SNW1: variants seen among roughly 807,000 people sequenced by gnomAD.
SNW1 encodes the protein SNW domain-containing protein 1.
In SNW1, 9 loss-of-function variants were observed where a neutral mutation model predicts 75.6. The observed-to-expected ratio is 0.12, with a 90% confidence interval of 0.07 to 0.21. The LOEUF (loss-of-function observed/expected upper bound fraction) is 0.21, where lower values mean the gene tolerates loss of function less well. SNW1 is among the 10% of genes least tolerant of loss of function. SNW1 has a pLI of 1.00. For synonymous variants in SNW1, 200 were observed against 219.1 expected (o/e 0.91, Z 0.77); for missense variants, 409 against 670.9 (o/e 0.61, Z 4.31).
At chr14:77,722,188 C>A (rs1291968432) in intron 11 of SNW1, among the ~76,000 whole-genome samples, 1 of 152,164 alleles carries the variant, frequency 6.6e-6, no homozygotes, top group Non-Finnish European at 1.5e-5. Flanking sequence ...AGTATTGCAG[C>A]GTTCCCTCTA....
At chr14:77,754,044 T>G (rs2080826818) in intron 2 of SNW1, among the ~76,000 whole-genome samples, 3 of 151,972 alleles carry the variant, frequency 2.0e-5, no homozygotes, top group African/African-American at 7.2e-5. Flanking sequence ...CTTTTTATTT[T>G]TATTTTTTAT....
chr14:77,742,035 A>ATT (rs35732517), intron 3 of SNW1, among the ~76,000 whole-genome samples: 12 of 143,750 alleles, frequency 8.3e-5, no homozygotes, highest in Non-Finnish European at 1.1e-4. Flanking sequence ...AAAACCCCCC[A>ATT]TTTTTTTTTT....
chr14:77,747,515 G>A (rs1264207347), intron 3 of SNW1, among the ~76,000 whole-genome samples: 1 of 150,006 alleles, frequency 6.7e-6, no homozygotes, highest in Non-Finnish European at 1.5e-5. Context: ...TGTGGTGAGC[G>A]CCTCTGCCCC....
At chr14:77,722,049 C>CT (rs755015958) in intron 11 of SNW1, among the ~76,000 whole-genome samples, 2 of 152,206 alleles carry the variant, frequency 1.3e-5, no homozygotes, top group Non-Finnish European at 2.9e-5. Context: ...TGCCCGGCCT[C>CT]TTTTTTGTGT....
intron 6 of SNW1, 140 bp from the exon 7 acceptor site, chr14:77,736,146 C>T: frequency 1.7e-6 from 1 of 577,206 alleles, no homozygotes; most frequent in Non-Finnish European, 3.1e-6. Context: ...ACATTTACCA[C>T]TCCACTTTGA....
intron 10 of SNW1, among the ~76,000 whole-genome samples, chr14:77,728,088 T>G (rs1222106232): frequency 2.1e-5 from 3 of 142,888 alleles, no homozygotes; most frequent in Non-Finnish European, 4.6e-5. Flanking sequence ...ATCTAGGTGG[T>G]AGGAGATACG....
intron 12 of SNW1, 75 bp from the exon 13 acceptor site, chr14:77,718,605 G>A (rs1017686236): frequency 4.2e-5 from 41 of 984,652 alleles, no homozygotes; most frequent in Non-Finnish European, 5.9e-5. Flanking sequence ...CATGTTTACA[G>A]TAAACCCTTG....
At chr14:77,727,264 G>C (rs950080966) in intron 10 of SNW1, among the ~76,000 whole-genome samples, 1 of 152,126 alleles carries the variant, frequency 6.6e-6, no homozygotes, top group African/African-American at 2.4e-5. Flanking sequence ...ATGTTGGCCA[G>C]GCTGGTCTTG....
Position 77,717,679 on chromosome 14 carries a change from C to A in SNW1, c.*409G>T. On this transcript the variant is annotated 3_prime_UTR_variant, in exon 14 of 14. Transcript: ENST00000261531. Reference sequence around the variant, plus strand: ...TTGCCCACTCCAAATTAAAACAGAGCACAATAGGGGCAAAATTTATTTGGC... The same window carrying A: ...TTGCCCACTCCAAATTAAAACAGAGAACAATAGGGGCAAAATTTATTTGGC... 2.1e-6 allele frequency: 2 copies of A among 968,088 alleles called. No homozygotes were observed. Among genetic ancestry groups the A allele is most frequent in the South Asian group, 1.6e-5 (1 of 64,166 alleles). The allele number at this position is 968,088 out of a possible 1,614,324, so 60.0% of individuals were successfully genotyped here.
rs2080693919 is a variant in SNW1, at chr14:77,738,769, G to T, written c.533+9C>A. 5.6e-6 allele frequency: 9 copies of T among 1,606,142 alleles called. 1 individual carries two copies. The highest frequency in any genetic ancestry group is 1.7e-5 in the Admixed American group (1 of 59,934). On this transcript the variant is annotated intron_variant, in intron 5 of 13. Transcript: ENST00000261531. Reference sequence around the variant, plus strand: ...GAATGAAACTAAGTCTTCTAGGCATGATTCATACCGGATATACTGAGCAGG... The same window carrying T: ...GAATGAAACTAAGTCTTCTAGGCATTATTCATACCGGATATACTGAGCAGG...
At chr14:77,754,157 G>A (rs550644019) in intron 2 of SNW1, among the ~76,000 whole-genome samples, 115 of 151,398 alleles carry the variant, frequency 7.6e-4, no homozygotes, top group African/African-American at 2.7e-3. Context: ...CAATTCTCCC[G>A]CCTCAGCCTC....
In SNW1 at chr14:77,749,903, G is replaced by C. The variant is rs139037048; in HGVS notation, c.330+1416C>G. Among the ~76,000 whole-genome samples, 448 of 151,940 alleles carry C rather than the reference G, an allele frequency of 2.9e-3. 3 individuals carry two copies. Among genetic ancestry groups the C allele is most frequent in the African/African-American group, 0.01 (427 of 41,476 alleles). On this transcript the variant is annotated intron_variant, in intron 3 of 13. Coordinates refer to ENST00000261531, the MANE Select transcript of SNW1 (RefSeq NM_012245.3). Reference sequence around the variant, plus strand: ...GGGATTGGGATCCAGAATACATATGGCAAGATCAGGTGTAGATCCAGGTGC... The same window carrying C: ...GGGATTGGGATCCAGAATACATATGCCAAGATCAGGTGTAGATCCAGGTGC...
chr14:77,723,289 G>C lies in SNW1; in HGVS notation c.1034-12C>G, dbSNP rs751507285. The C allele has an allele frequency of 6.3e-7, 1 of 1,592,440 alleles. No homozygotes were observed. Among genetic ancestry groups the C allele is most frequent in the Non-Finnish European group, 8.6e-7 (1 of 1,160,716 alleles). ...TGCCTCCCCATCCTCTGTGTGAACA[G>C]TTGAAAAGTACTTCACTGTAATATG... On this transcript the variant is annotated splice_polypyrimidine_tract_variant and intron_variant, in intron 10 of 13. Coordinates refer to ENST00000261531, the MANE Select transcript of SNW1 (RefSeq NM_012245.3).
At chr14:77,728,669 T>C (rs1341001507) in intron 10 of SNW1, among the ~76,000 whole-genome samples, 1 of 152,182 alleles carries the variant, frequency 6.6e-6, no homozygotes. Context: ...AGCATAAGAT[T>C]TGGAGCAAGC....
At position 77,754,778 on chromosome 14, in the gene SNW1, TGATA is replaced by T. The variant is rs2080831806; in HGVS notation, c.168+185_168+188del. 3.9e-5 allele frequency among the ~76,000 whole-genome samples: 6 copies of T among 152,272 alleles called. No homozygotes were observed. The South Asian group carries it at 1.2e-3, about 32-fold the overall frequency. ...CAGTTCTCTAGTGACCACAAAGCAG[TGATA>T]GATAATAAGCAAAAAGAAAATGATA... is the stretch of plus-strand genomic sequence containing the variant. On this transcript the variant is annotated intron_variant, in intron 2 of 13. Transcript: ENST00000261531.
At chr14:77,731,895 C>T (rs528999554) in intron 9 of SNW1, among the ~76,000 whole-genome samples, 2 of 152,252 alleles carry the variant, frequency 1.3e-5, no homozygotes, top group East Asian at 1.9e-4. Flanking sequence ...CATGCCACAT[C>T]CAGCTAATGT....
At chr14:77,752,460 C>T (rs1594808751) in intron 2 of SNW1, among the ~76,000 whole-genome samples, 3 of 152,236 alleles carry the variant, frequency 2.0e-5, no homozygotes, top group South Asian at 2.1e-4. Flanking sequence ...GTAGTATTTG[C>T]TTAGTACACT....
At chr14:77,756,566 A>C (rs749677554) in intron 1 of SNW1, among the ~76,000 whole-genome samples, 6 of 152,224 alleles carry the variant, frequency 3.9e-5, no homozygotes, top group South Asian at 2.1e-4. Context: ...TTAAGTGTCA[A>C]GGGTATCTAC....
intron 12 of SNW1, 65 bp downstream of exon 12, chr14:77,720,646 T>C (rs949344869): frequency 1.5e-5 from 16 of 1,045,080 alleles, no homozygotes; most frequent in Non-Finnish European, 1.5e-5. Context: ...AGTATGTTAA[T>C]TTTCGTTTCC....
Sources: allele counts gnomAD v4.1 joint callset (sites outside exome capture counted in the v4.1 genomes callset), GRCh38; gene constraint gnomAD v4.1.1; transcripts MANE v1.5; gene names NCBI Gene and HGNC (gene_info 2026-07-23, HGNC 2026-07-21).